The following TCF12 variants were observed in gnomAD, a reference collection of about 807,000 sequenced individuals.
The protein encoded by TCF12 is DNA-binding protein HTF4.
TCF12 carries 45 observed loss-of-function variants against 86.0 expected under a neutral mutation model. That is an observed-to-expected ratio of 0.52 (90% CI 0.41 to 0.67). The LOEUF (loss-of-function observed/expected upper bound fraction) is 0.67. Among genes scored for constraint, TCF12 ranks in the 30% least tolerant of loss-of-function variants. The pLI, the probability that TCF12 is intolerant of heterozygous loss-of-function variation, is 0.00. For missense variants in TCF12, 881 were observed against 859.9 expected, an observed-to-expected ratio of 1.02 and a Z score of -0.31; for synonymous variants, 330 against 299.6, an observed-to-expected ratio of 1.10 and a Z score of -1.05.
Position 57,263,124 on chromosome 15 carries a change from G to A in TCF12, c.1595G>A (p.Ser532Asn). 6.3e-7 allele frequency: 1 copy of A among 1,596,256 alleles called. No homozygotes were observed. The highest frequency in any genetic ancestry group is 8.5e-7 in the Non-Finnish European group (1 of 1,175,982). ...GCCTCTTTGTTAGGTGGCTTGCAAA[G>A]TCAGTCTGGAACTGTTGTTACAACA... The part of the protein sequence containing the change: ...TQENYRGGLQ[S>N]QSGTVVTTEI... Residue 532 changes from serine to asparagine, a missense_variant, in exon 18 of 21, where the codon AGT (serine) becomes AAT (asparagine). Transcript: ENST00000333725.
At chr15:57,015,509 T>A (rs1220659842) in intron 3 of TCF12, among the ~76,000 whole-genome samples, 1 of 152,156 alleles carries the variant, frequency 6.6e-6, no homozygotes, top group Non-Finnish European at 1.5e-5. Flanking sequence ...ATAAAGTGGC[T>A]GAATGCCACC....
At chr15:57,093,308 A>T (rs1289013700) in intron 5 of TCF12, among the ~76,000 whole-genome samples, 1 of 152,176 alleles carries the variant, frequency 6.6e-6, no homozygotes, top group Non-Finnish European at 1.5e-5. Context: ...TTCCTTTCGG[A>T]GTACAACTTT....
At chr15:57,233,948 A>G in intron 11 of TCF12, 95 bp from the exon 12 acceptor site, 9 of 934,532 alleles carry the variant, frequency 9.6e-6, no homozygotes, top group South Asian at 5.4e-5. Flanking sequence ...CAGATGTGAG[A>G]TGATGATAGA....
At chr15:57,136,966 T>G (rs1282235833) in intron 5 of TCF12, among the ~76,000 whole-genome samples, 3 of 21,874 alleles carry the variant, frequency 1.4e-4, no homozygotes, top group African/African-American at 3.0e-4. Context: ...CAGTTTTTTT[T>G]TTTGTTTTTT....
chr15:57,025,886 A>G (rs942727603), intron 3 of TCF12, among the ~76,000 whole-genome samples: 8 of 152,212 alleles, frequency 5.3e-5, no homozygotes, highest in Admixed American at 2.0e-4. Flanking sequence ...TCATTTTCAT[A>G]CTTTAAGAGG....
At chr15:57,116,979 G>T (rs931598532) in intron 5 of TCF12, among the ~76,000 whole-genome samples, 1 of 151,682 alleles carries the variant, frequency 6.6e-6, no homozygotes, top group Non-Finnish European at 1.5e-5. Flanking sequence ...TCATTATTTG[G>T]CATCAGTGTC....
At chr15:56,924,344 T>TA (rs1334283646) in intron 3 of TCF12, among the ~76,000 whole-genome samples, 3 of 152,132 alleles carry the variant, frequency 2.0e-5, no homozygotes, top group Non-Finnish European at 4.4e-5. Context: ...TTCAAGTAAT[T>TA]AAAAAAATGG....
chr15:56,930,234 G>A (rs1297455502), intron 3 of TCF12, among the ~76,000 whole-genome samples: 2 of 152,238 alleles, frequency 1.3e-5, no homozygotes, highest in African/African-American at 2.4e-5. Context: ...AGAGGCATAT[G>A]TTGTTGTTTT....
chr15:57,040,407 A>C (rs1173074578), intron 3 of TCF12, among the ~76,000 whole-genome samples: 1 of 152,208 alleles, frequency 6.6e-6, no homozygotes, highest in Non-Finnish European at 1.5e-5. Context: ...ATCGGAAGAA[A>C]GCTCTTTGGC....
chr15:57,112,442 G>A (rs573312353), intron 5 of TCF12, among the ~76,000 whole-genome samples: 64 of 152,142 alleles, frequency 4.2e-4, no homozygotes, highest in Non-Finnish European at 7.6e-4. Flanking sequence ...GTCTAACTGT[G>A]ACCGATTGTG....
chr15:57,076,162 C>A (rs1161477956), intron 4 of TCF12, among the ~76,000 whole-genome samples: 1 of 151,892 alleles, frequency 6.6e-6, no homozygotes, highest in Non-Finnish European at 1.5e-5. Context: ...GGATGGGCAT[C>A]AGATTTCTAA....
At chr15:57,248,116 T>A in intron 13 of TCF12, 1 of 702,342 alleles carries the variant, frequency 1.4e-6, no homozygotes, top group South Asian at 1.5e-5. Context: ...TGAGAGTCTT[T>A]TAAAAATTAT....
rs878853094 is a variant in TCF12, at chr15:57,234,112, G to A, written c.1035+5G>A. On this transcript the variant is annotated splice_donor_5th_base_variant and intron_variant, in intron 12 of 20. Transcript: ENST00000333725. ...CTTGGAAAGGCTTTGGCATCTGTGA[G>A]TATTGATTTTACACATTCTACTGAA... The A allele has an allele frequency of 6.2e-7, 1 of 1,612,240 alleles. No individual in the cohort carries two copies. The highest frequency in any genetic ancestry group is 8.5e-7 in the Non-Finnish European group (1 of 1,178,476).
intron 8 of TCF12, among the ~76,000 whole-genome samples, chr15:57,213,258 A>T (rs2058190520): frequency 3.3e-5 from 5 of 152,238 alleles, no homozygotes; most frequent in African/African-American, 1.2e-4. Context: ...AAGAATGGTC[A>T]CCAGAATTTA....
At chr15:56,953,078 G>T (rs115075027) in intron 3 of TCF12, among the ~76,000 whole-genome samples, 1,756 of 151,970 alleles carry the variant, frequency 0.012, 31 homozygotes, top group African/African-American at 0.04. Context: ...ATTTTGCCAG[G>T]TATCTTTTCT....
intron 3 of TCF12, among the ~76,000 whole-genome samples, chr15:56,933,373 G>A (rs531004022): frequency 6.6e-6 from 1 of 152,246 alleles, no homozygotes; most frequent in East Asian, 1.9e-4. Context: ...CTGTTGTTTT[G>A]TTAAAGAGCA....
chr15:57,042,078 A>T lies in TCF12; in HGVS notation c.149-21672A>T, dbSNP rs542972334. 1.9e-3 allele frequency among the ~76,000 whole-genome samples: 292 copies of T among 152,238 alleles called. 1 individual carries two copies. The highest frequency in any genetic ancestry group is 6.8e-3 in the African/African-American group (282 of 41,544). ...CATTGCCTGCATGCCCATTTACTCA[A>T]TTTAACTACAAAAGTACCTTTTACC... On this transcript the variant is annotated intron_variant, in intron 3 of 20. Coordinates refer to ENST00000333725, the MANE Select transcript of TCF12 (RefSeq NM_207037.2).
rs534643262 is a variant in TCF12, at chr15:57,194,327, T to C, written c.526+2034T>C. Among the ~76,000 whole-genome samples the C allele has an allele frequency of 5.9e-5, 9 of 152,268 alleles. No homozygotes were observed. The East Asian group carries it at 1.5e-3, about 26-fold the overall frequency. ...CTGTGAGGTTGTAATGTTAACTTCA[T>C]GTTACAAATGAGGAGCTAAGACCCA... On this transcript the variant is annotated intron_variant, in intron 7 of 20. Transcript: ENST00000333725.
intron 3 of TCF12, among the ~76,000 whole-genome samples, chr15:57,003,700 T>A (rs1250283379): frequency 6.6e-6 from 1 of 152,234 alleles, no homozygotes; most frequent in African/African-American, 2.4e-5. Context: ...TGCAAATGAC[T>A]GGAAGACCCA....
Sources: gnomAD v4.1 joint callset for allele counts (sites outside exome capture counted in the v4.1 genomes callset) on GRCh38, gnomAD v4.1.1 for gene constraint, MANE v1.5 for transcripts, NCBI Gene and HGNC (gene_info 2026-07-23, HGNC 2026-07-21) for gene names.